Variants in SLC35F3 observed in about 807,000 individuals in gnomAD.
The protein encoded by SLC35F3 is putative thiamine transporter SLC35F3.
Under a neutral mutation model 49.9 loss-of-function variants are expected in SLC35F3, and 25 were observed. The ratio of observed to expected loss-of-function variants is 0.50; its 90% CI spans 0.37 to 0.70. The LOEUF is 0.70. SLC35F3 is among the 30% of genes least tolerant of loss of function. The pLI is 0.00. For missense variants in SLC35F3, 525 were observed against 639.8 expected, an observed-to-expected ratio of 0.82 and a Z score of 1.94; for synonymous variants, 275 against 265.4, an observed-to-expected ratio of 1.04 and a Z score of -0.35.
rs1666430702 is a variant in SLC35F3, at chr1:234,173,464, G to T, written c.284-57953G>T. Among the ~76,000 whole-genome samples the T allele has an allele frequency of 2.6e-5, 4 of 152,294 alleles. No individual in the cohort carries two copies. In the South Asian group the frequency reaches 8.3e-4, roughly 32 times the overall value. ...TCGAGCTAGGCAGCCTGGCTGCAGGGTCTTTGTCCTTCAACCCCATGCATT... is the reference window on the plus strand; with the variant it reads ...TCGAGCTAGGCAGCCTGGCTGCAGGTTCTTTGTCCTTCAACCCCATGCATT... On this transcript the variant is annotated intron_variant, in intron 2 of 7. Transcript: ENST00000366618.
intron 2 of SLC35F3, among the ~76,000 whole-genome samples, chr1:233,928,011 A>AT (rs977468455): frequency 1.3e-5 from 2 of 151,952 alleles, no homozygotes; most frequent in Non-Finnish European, 2.9e-5. Flanking sequence ...AACATGATAC[A>AT]TTTTTTTTCA....
chr1:233,916,216 C>T (rs1421638133), intron 2 of SLC35F3, among the ~76,000 whole-genome samples: 10 of 152,108 alleles, frequency 6.6e-5, no homozygotes, highest in East Asian at 3.9e-4. Flanking sequence ...TACTTTAAGT[C>T]GACATTTTGT....
At chr1:234,056,432 T>A (rs137907470) in intron 2 of SLC35F3, among the ~76,000 whole-genome samples, 1 of 152,214 alleles carries the variant, frequency 6.6e-6, no homozygotes, top group Non-Finnish European at 1.5e-5. Context: ...TGTATATTAG[T>A]ACATGGTATC....
chr1:234,310,333 A>T (rs1481110514), intron 4 of SLC35F3, among the ~76,000 whole-genome samples: 1 of 152,146 alleles, frequency 6.6e-6, no homozygotes, highest in African/African-American at 2.4e-5. Flanking sequence ...TCCTTCCCTC[A>T]TTGTCCTGGG....
intron 2 of SLC35F3, among the ~76,000 whole-genome samples, chr1:234,034,619 C>A (rs1231283284): frequency 6.7e-6 from 1 of 148,798 alleles, no homozygotes; most frequent in South Asian, 2.1e-4. Context: ...CTCCCGGATT[C>A]AAGCGATTAT....
intron 2 of SLC35F3, among the ~76,000 whole-genome samples, chr1:233,934,285 A>AT (rs1244993387): frequency 6.6e-6 from 1 of 152,130 alleles, no homozygotes; most frequent in African/African-American, 2.4e-5. Context: ...TCAGTTCCTC[A>AT]TTTTCTAAGA....
At position 234,000,190 on chromosome 1, in the gene SLC35F3, T is replaced by A. The variant is rs139738274; in HGVS notation, c.283+94432T>A. Among the ~76,000 whole-genome samples the A allele has an allele frequency of 2.0e-4, 30 of 152,278 alleles. 1 individual carries two copies. In the East Asian group the frequency reaches 5.8e-3, roughly 29 times the overall value. On this transcript the variant is annotated intron_variant, in intron 2 of 7. Coordinates refer to ENST00000366618, the MANE Select transcript of SLC35F3 (RefSeq NM_173508.4). ...TAATATACGCAAAGAGTAGAAAACA[T>A]GGGCTGCGTTCCATTTCATTGGTGA...
chr1:234,101,958 T>G (rs1665221372), intron 2 of SLC35F3, among the ~76,000 whole-genome samples: 1 of 152,192 alleles, frequency 6.6e-6, no homozygotes, highest in African/African-American at 2.4e-5. Context: ...AAGCATAGAT[T>G]AGAGGATTCC....
chr1:234,299,261 T>A (rs1389514807), intron 3 of SLC35F3, among the ~76,000 whole-genome samples: 3 of 152,114 alleles, frequency 2.0e-5, no homozygotes, highest in Non-Finnish European at 4.4e-5. Flanking sequence ...ACTTTAGTAG[T>A]CTCATAGTCC....
Position 233,953,376 on chromosome 1 carries a change from T to G in SLC35F3, c.283+47618T>G, listed in dbSNP as rs1010700955. ...ATTATAGCTGGGAATTCACTGAGGT[T>G]TGATATTTTTGATAAAATAAATGAG... On this transcript the variant is annotated intron_variant, in intron 2 of 7. Coordinates refer to ENST00000366618, the MANE Select transcript of SLC35F3 (RefSeq NM_173508.4). Among the ~76,000 whole-genome samples, 11 of 152,322 alleles carry G rather than the reference T, an allele frequency of 7.2e-5. No individual in the cohort carries two copies. In the East Asian group the frequency reaches 1.9e-3, roughly 27 times the overall value.
chr1:234,104,073 T>C (rs1665249337), intron 2 of SLC35F3, among the ~76,000 whole-genome samples: 1 of 152,252 alleles, frequency 6.6e-6, no homozygotes, highest in Non-Finnish European at 1.5e-5. Flanking sequence ...TTTGGAAATT[T>C]GTTATTACCT....
At chr1:234,048,774 C>T (rs1447510981) in intron 2 of SLC35F3, among the ~76,000 whole-genome samples, 1 of 152,148 alleles carries the variant, frequency 6.6e-6, no homozygotes, top group African/African-American at 2.4e-5. Context: ...AAGGTAGAGC[C>T]CAGTGGGTTC....
rs187037228 is a variant in SLC35F3, at chr1:234,065,278, C to T, written c.283+159520C>T. On this transcript the variant is annotated intron_variant, in intron 2 of 7. Transcript: ENST00000366618. ...TCTCCTGCCTCAGCCTCCTGAGTAG[C>T]TGGGACTACAGACGCGTGCCACCAC... Among the ~76,000 whole-genome samples the T allele has an allele frequency of 1.7e-3, 265 of 152,276 alleles. 1 individual carries two copies. Among genetic ancestry groups the T allele is most frequent in the Non-Finnish European group, 2.3e-3 (154 of 68,030 alleles).
At chr1:234,277,692 C>A (rs547232944) in intron 3 of SLC35F3, among the ~76,000 whole-genome samples, 2 of 152,174 alleles carry the variant, frequency 1.3e-5, no homozygotes, top group Non-Finnish European at 2.9e-5. Flanking sequence ...AGTACAGATT[C>A]CTATTGTTCT....
chr1:234,201,035 C>A (rs1214503823), intron 2 of SLC35F3, among the ~76,000 whole-genome samples: 1 of 152,202 alleles, frequency 6.6e-6, no homozygotes, highest in East Asian at 1.9e-4. Flanking sequence ...TGTCCAGGCC[C>A]TCCTTTGCAG....
intron 2 of SLC35F3, among the ~76,000 whole-genome samples, chr1:233,961,885 C>G (rs1662810016): frequency 6.6e-6 from 1 of 152,166 alleles, no homozygotes; most frequent in Non-Finnish European, 1.5e-5. Context: ...AGCATCTTAA[C>G]CCAGAACAGT....
chr1:234,285,712 C>T (rs770065281), intron 3 of SLC35F3, among the ~76,000 whole-genome samples: 44 of 152,196 alleles, frequency 2.9e-4, no homozygotes, highest in Non-Finnish European at 5.6e-4. Context: ...AGGCAGCTCA[C>T]GTTCTCTGAG....
chr1:234,219,907 CAG>C (rs1558264142), intron 2 of SLC35F3, among the ~76,000 whole-genome samples: 1 of 152,202 alleles, frequency 6.6e-6, no homozygotes, highest in Admixed American at 6.5e-5. Flanking sequence ...CATTTCCTGA[CAG>C]AGGGAGCCAC....
At chr1:234,291,189 C>T (rs1242856672) in intron 3 of SLC35F3, among the ~76,000 whole-genome samples, 3 of 152,226 alleles carry the variant, frequency 2.0e-5, no homozygotes, top group African/African-American at 7.2e-5. Flanking sequence ...AAAAAAGCAA[C>T]AGGCAATACC....
Sources: allele counts gnomAD v4.1 joint callset (sites outside exome capture counted in the v4.1 genomes callset), GRCh38; gene constraint gnomAD v4.1.1; transcripts MANE v1.5; gene names NCBI Gene and HGNC (gene_info 2026-07-23, HGNC 2026-07-21).